ARFIP1: variants seen among roughly 807,000 people sequenced by gnomAD.
ARFIP1 encodes the protein ARF interacting protein 1.
In ARFIP1, 24 loss-of-function variants were observed where a neutral mutation model predicts 42.5. That is an observed-to-expected ratio of 0.57 (90% CI 0.41 to 0.80). The LOEUF (loss-of-function observed/expected upper bound fraction) is 0.80. ARFIP1 is among the 30% of genes least tolerant of loss of function. The pLI is 0.00. For missense variants in ARFIP1, 354 were observed against 434.0 expected, an observed-to-expected ratio of 0.82 and a Z score of 1.64; for synonymous variants, 141 against 153.7, an observed-to-expected ratio of 0.92 and a Z score of 0.61.
At chr4:152,815,752 T>C (rs1475995154) in intron 1 of ARFIP1, among the ~76,000 whole-genome samples, 1 of 145,278 alleles carries the variant, frequency 6.9e-6, no homozygotes, top group African/African-American at 2.5e-5. Context: ...TTTTTTTTTT[T>C]TTTTTTTTTT....
At chr4:152,817,297 T>C (rs957535582) in intron 1 of ARFIP1, among the ~76,000 whole-genome samples, 4 of 152,140 alleles carry the variant, frequency 2.6e-5, no homozygotes, top group African/African-American at 7.2e-5. Context: ...CTAGATGTAG[T>C]GTGAGAATGC....
chr4:152,839,022 G>A (rs1731866040), intron 2 of ARFIP1, among the ~76,000 whole-genome samples: 2 of 152,060 alleles, frequency 1.3e-5, no homozygotes, highest in Admixed American at 1.3e-4. Flanking sequence ...TGCTTTTTCG[G>A]CATCTATTGA....
intron 8 of ARFIP1, among the ~76,000 whole-genome samples, chr4:152,895,427 C>T (rs62319952): frequency 0.027 from 4,095 of 152,138 alleles, 99 homozygotes; most frequent in South Asian, 0.11. Flanking sequence ...CACTGTGTTG[C>T]CCAGGCTGGA....
intron 1 of ARFIP1, among the ~76,000 whole-genome samples, chr4:152,820,868 A>G (rs1730312140): frequency 6.6e-6 from 1 of 152,234 alleles, no homozygotes; most frequent in South Asian, 2.1e-4. Flanking sequence ...TACATAACCA[A>G]GGAACTCATA....
rs565491816 is a variant in ARFIP1 at position 152,867,379 on chromosome 4, G to A, written c.203-3374G>A. On this transcript the variant is annotated intron_variant, in intron 3 of 8. Transcript: ENST00000353617. ...GGCATGGCGGTGCGTGCCTGCAATC[G>A]CAGGCACTCAGCAGGCTGAGGCAGG... is the stretch of plus-strand genomic sequence containing the variant. Among the ~76,000 whole-genome samples, 22 of 152,164 alleles carry A rather than the reference G, an allele frequency of 1.4e-4. No homozygotes were observed. In the East Asian group the frequency reaches 2.1e-3, roughly 15 times the overall value.
intron 2 of ARFIP1, among the ~76,000 whole-genome samples, chr4:152,857,479 C>A (rs759836295): frequency 2.6e-5 from 4 of 152,218 alleles, no homozygotes; most frequent in Non-Finnish European, 5.9e-5. Context: ...AAATGACACA[C>A]TTCTGTGTCC....
In ARFIP1 at chr4:152,796,678, C is replaced by T. The variant is rs114288648; in HGVS notation, c.-10+16452C>T. The T allele has an allele frequency of 3.7e-3, 3,261 of 884,356 alleles. 71 individuals are homozygous for T. In the African/African-American group the frequency reaches 0.049, roughly 13 times the overall value. 54.8% of individuals were successfully genotyped at this position (884,356 alleles called of 1,614,324 possible). ...TTTTATTTGTATTTTCTCAGCATGG[C>T]GCTGTTTATGATTAAGCTTAGCCTT... On this transcript the variant is annotated intron_variant, in intron 1 of 8. Coordinates refer to ENST00000353617, the MANE Select transcript of ARFIP1 (RefSeq NM_001025595.3).
chr4:152,863,745 G>T, intron 3 of ARFIP1, 31 bp downstream of exon 3: 1 of 1,438,384 alleles, frequency 7.0e-7, no homozygotes, highest in South Asian at 1.2e-5. Context: ...AAAGATGGCT[G>T]GGATAGAGGA....
intron 8 of ARFIP1, among the ~76,000 whole-genome samples, chr4:152,895,527 C>T (rs1397568921): frequency 6.9e-6 from 1 of 145,028 alleles, no homozygotes; most frequent in East Asian, 2.1e-4. Flanking sequence ...ACTGAGACTA[C>T]TGGTACATGC....
chr4:152,809,212 T>C (rs925455154), intron 1 of ARFIP1, among the ~76,000 whole-genome samples: 1 of 152,228 alleles, frequency 6.6e-6, no homozygotes, highest in African/African-American at 2.4e-5. Context: ...GCACTGGTTC[T>C]ACTTGGCTGC....
intron 2 of ARFIP1, among the ~76,000 whole-genome samples, chr4:152,859,538 A>C (rs1356195698): frequency 2.0e-5 from 3 of 152,138 alleles, no homozygotes; most frequent in African/African-American, 7.2e-5. Context: ...TGTTCCAATG[A>C]CTGTTTCAAA....
intron 1 of ARFIP1, among the ~76,000 whole-genome samples, chr4:152,782,749 C>T (rs1008498141): frequency 3.9e-5 from 6 of 152,158 alleles, no homozygotes; most frequent in African/African-American, 1.2e-4. Context: ...ATGATTGTTT[C>T]TCTCTTGTGA....
At chr4:152,813,925 C>T (rs1436601028) in intron 1 of ARFIP1, among the ~76,000 whole-genome samples, 1 of 152,076 alleles carries the variant, frequency 6.6e-6, no homozygotes, top group Non-Finnish European at 1.5e-5. Flanking sequence ...ATCCACCTTT[C>T]TCTCTGATTT....
At chr4:152,828,076 T>C (rs1243405939) in intron 1 of ARFIP1, among the ~76,000 whole-genome samples, 3 of 152,226 alleles carry the variant, frequency 2.0e-5, no homozygotes, top group Non-Finnish European at 2.9e-5. Context: ...TTTATGTATG[T>C]ACCACATTTT....
At chr4:152,865,914 C>T (rs1215392376) in intron 3 of ARFIP1, among the ~76,000 whole-genome samples, 1 of 151,906 alleles carries the variant, frequency 6.6e-6, no homozygotes, top group South Asian at 2.1e-4. Flanking sequence ...GTGTTTCTCG[C>T]AGAGGGGGAT....
chr4:152,884,662 T>C (rs1736124192), intron 7 of ARFIP1, among the ~76,000 whole-genome samples: 1 of 152,096 alleles, frequency 6.6e-6, no homozygotes, highest in Non-Finnish European at 1.5e-5. Flanking sequence ...CTTCAGCTTT[T>C]ATTTCTAAAC....
intron 7 of ARFIP1, among the ~76,000 whole-genome samples, chr4:152,885,825 G>A (rs1736213034): frequency 6.6e-6 from 1 of 151,702 alleles, no homozygotes; most frequent in African/African-American, 2.4e-5. Context: ...TTTTTAGTGT[G>A]CTTGCTTCTA....
At chr4:152,816,655 A>G (rs1426259502) in intron 1 of ARFIP1, among the ~76,000 whole-genome samples, 20 of 152,358 alleles carry the variant, frequency 1.3e-4, no homozygotes, top group Non-Finnish European at 2.9e-4. Flanking sequence ...TGTAAGCTCT[A>G]TGAGAGCAGG....
intron 8 of ARFIP1, among the ~76,000 whole-genome samples, chr4:152,901,319 C>A (rs1018406241): frequency 6.6e-6 from 1 of 152,080 alleles, no homozygotes; most frequent in East Asian, 1.9e-4. Flanking sequence ...AGAAAGTTTT[C>A]GGTGTAGTCC....
Sources: gnomAD v4.1 joint callset for allele counts (sites outside exome capture counted in the v4.1 genomes callset) on GRCh38, gnomAD v4.1.1 for gene constraint, MANE v1.5 for transcripts, NCBI Gene and HGNC (gene_info 2026-07-23, HGNC 2026-07-21) for gene names.